The following CEP152 variants were observed in gnomAD, a reference collection of about 807,000 sequenced individuals.
CEP152 encodes centrosomal protein of 152 kDa.
A neutral mutation model predicts 188.9 loss-of-function variants in CEP152; 132 were observed. The ratio of observed to expected loss-of-function variants is 0.70; its 90% confidence interval spans 0.61 to 0.81. The LOEUF (loss-of-function observed/expected upper bound fraction) is 0.81. Ranked by LOEUF, CEP152 falls within the 30% of genes least tolerant of loss-of-function variation. The pLI is 0.00. For synonymous variants in CEP152, 649 were observed against 666.6 expected, an observed-to-expected ratio of 0.97 and a Z score of 0.41; for missense variants, 1,914 against 1,969.8, an observed-to-expected ratio of 0.97 and a Z score of 0.54.
intron 21 of CEP152, among the ~76,000 whole-genome samples, chr15:48,750,233 G>C (rs1335945279): frequency 2.0e-5 from 3 of 152,052 alleles, no homozygotes; most frequent in African/African-American, 7.2e-5. Context: ...AAATATATAA[G>C]AACTGTTTGG....
intron 2 of CEP152, among the ~76,000 whole-genome samples, chr15:48,800,053 A>C (rs1446679174): frequency 6.6e-6 from 1 of 152,200 alleles, no homozygotes; most frequent in Non-Finnish European, 1.5e-5. Flanking sequence ...TGAAGAGTAC[A>C]TTGTTTTCCC....
chr15:48,796,809 C>A (rs1218930049), intron 5 of CEP152, among the ~76,000 whole-genome samples: 1 of 152,140 alleles, frequency 6.6e-6, no homozygotes, highest in Non-Finnish European at 1.5e-5. Context: ...GTTTTTCCTT[C>A]ACATTCATCC....
At chr15:48,785,728 A>G (rs1896578851) in intron 9 of CEP152, among the ~76,000 whole-genome samples, 1 of 152,168 alleles carries the variant, frequency 6.6e-6, no homozygotes, top group South Asian at 2.1e-4. Flanking sequence ...ATAAAACTTT[A>G]AAGTTTAAAG....
At chr15:48,733,668 C>T (rs759812791), downstream of CEP152, among the ~76,000 whole-genome samples, 1 of 152,068 alleles carries the variant, frequency 6.6e-6, no homozygotes, top group African/African-American at 2.4e-5. Flanking sequence ...ATCCTAGAAG[C>T]TCAACAGACT....
chr15:48,807,718 C>T (rs16961671), intron 1 of CEP152, among the ~76,000 whole-genome samples: 4,486 of 152,252 alleles, frequency 0.029, 274 homozygotes, highest in East Asian at 0.15. Flanking sequence ...ATTTGGGTTA[C>T]TTTCTCCTTC....
intron 6 of CEP152, 92 bp from the exon 7 acceptor site, chr15:48,793,553 C>T (rs1375557819): frequency 4.7e-6 from 5 of 1,066,882 alleles, no homozygotes; most frequent in South Asian, 4.1e-5. Flanking sequence ...GTGACTACAA[C>T]CTTTTAGAGC....
At chr15:48,788,637 G>GT (rs1226363670) in intron 9 of CEP152, among the ~76,000 whole-genome samples, 164 bp downstream of exon 9, 10 of 151,872 alleles carry the variant, frequency 6.6e-5, no homozygotes, top group Admixed American at 3.9e-4. Flanking sequence ...GAGCCATTGC[G>GT]TCCAGCCAAT....
rs1411256606 is a variant in CEP152 at position 48,793,321 on chromosome 15, C to A, written c.832G>T (p.Asp278Tyr). 1.2e-6 allele frequency: 2 copies of A among 1,613,752 alleles called. No individual in the cohort carries two copies. Among genetic ancestry groups the A allele is most frequent in the Non-Finnish European group, 8.5e-7 (1 of 1,179,874 alleles). Residue 278 changes from aspartate (D) to tyrosine (Y), a missense_variant and splice_region_variant, in exon 7 of 27, where the codon GAT becomes TAT. Coordinates refer to ENST00000380950, the MANE Select transcript of CEP152 (RefSeq NM_001194998.2). ...YLNHQLVIIKDEKDGLTLSLR... is the reference protein window; with the variant it reads ...YLNHQLVIIKYEKDGLTLSLR... ...TAAATGACAGCATCCAGCATCTTAC[C>A]TTTTATTATTACAAGCTGGTGATTC...
rs1567023677 is a variant in CEP152, at chr15:48,792,597, C to T, written c.832+724G>A. Among the ~76,000 whole-genome samples, 3 of 152,152 alleles carry T rather than the reference C, an allele frequency of 2.0e-5. No homozygotes were observed. The East Asian group carries it at 5.8e-4, about 29-fold the overall frequency. On this transcript the variant is annotated intron_variant, in intron 7 of 26. Transcript: ENST00000380950. ...TCACTAACTCTTATTTGGATTAAAA[C>T]GTTTATGCTAATTTGTAGCCTCAGG...
In CEP152 at chr15:48,742,081, A is replaced by C. The variant is rs201634823; in HGVS notation, c.3855T>G (p.Ile1285Met). ...KKIKCDMLRY[I>M]QESKERAAEM... ...CTGCAGCTCGTTCCTTACTCTCCTG[A>C]ATATAACGAAGCATGTCACCTATAG... Residue 1285 changes from isoleucine to methionine, a missense_variant, in exon 25 of 27, where the codon ATT becomes ATG. Physicochemically the swap from Ile to Met is conservative, Grantham distance 10. Transcript: ENST00000380950. 12 of 1,614,084 alleles carry C rather than the reference A, an allele frequency of 7.4e-6. No individual in the cohort carries two copies. Among genetic ancestry groups the C allele is most frequent in the Non-Finnish European group, 1.0e-5 (12 of 1,179,994 alleles).
At chr15:48,796,678 T>C (rs566263112) in intron 5 of CEP152, among the ~76,000 whole-genome samples, 35 of 152,238 alleles carry the variant, frequency 2.3e-4, no homozygotes, top group South Asian at 1.9e-3. Flanking sequence ...CATCCTGTCA[T>C]TGCGTGACAC....
chr15:48,741,665 A>G lies in CEP152; in HGVS notation c.4029T>C (p.Ala1343=), dbSNP rs1892982819. 1 of 1,614,028 alleles carries G rather than the reference A, an allele frequency of 6.2e-7. No homozygotes were observed. The highest frequency in any genetic ancestry group is 1.3e-5 in the African/African-American group (1 of 74,924). ...GTGTTTCCAGTAATTTTGCCATTGT[A>G]GCAAGTTTGCTAGCAGCATTCATAA... ...KKIMNAASKL[A]TMAKLLETPI... is the part of the protein sequence containing the mutation. Residue 1343 remains alanine (A), a synonymous_variant, in exon 26 of 27, where the codon GCT becomes GCC. Transcript: ENST00000380950.
intron 21 of CEP152, among the ~76,000 whole-genome samples, chr15:48,748,897 T>A (rs1009216459): frequency 1.3e-5 from 2 of 152,096 alleles, no homozygotes; most frequent in African/African-American, 4.8e-5. Context: ...GATCTTGGTA[T>A]TGAATACCAT....
intron 21 of CEP152, 30 bp from the exon 22 acceptor site, chr15:48,748,640 A>G (rs752277098): frequency 1.4e-6 from 2 of 1,431,938 alleles, no homozygotes; most frequent in South Asian, 1.6e-5. Flanking sequence ...GAAAACTTTT[A>G]TATCAGTTTA....
chr15:48,763,628 C>T (rs562169389), intron 17 of CEP152, among the ~76,000 whole-genome samples: 120 of 151,552 alleles, frequency 7.9e-4, no homozygotes, highest in Middle Eastern at 3.4e-3. Context: ...GAGCCGAGAT[C>T]ACACCACTGC....
chr15:48,747,776 CGATCTAAG>C (rs1366099684), intron 22 of CEP152, among the ~76,000 whole-genome samples: 2 of 152,092 alleles, frequency 1.3e-5, no homozygotes, highest in African/African-American at 4.8e-5. Flanking sequence ...GAGGGAGCAG[CGATCTAAG>C]CCCCAAAACT....
Position 48,767,453 on chromosome 15 carries a change from T to A in CEP152, c.2029A>T (p.Thr677Ser). ...KQEAVDRCER[T>S]YQQHHEAMKT... ...ATGGCTTCATGGTGCTGCTGATAAG[T>A]CCTTTCACACCTGGAAACAGAGCGG... The change falls in exon 16 of 27, where the codon ACT becomes TCT. Residue 677 changes from threonine (T) to serine (S), a missense_variant. Coordinates refer to ENST00000380950, the MANE Select transcript of CEP152 (RefSeq NM_001194998.2). 6.2e-7 allele frequency: 1 copy of A among 1,614,100 alleles called. No individual in the cohort carries two copies. Among genetic ancestry groups the A allele is most frequent in the Non-Finnish European group, 8.5e-7 (1 of 1,179,994 alleles).
intron 9 of CEP152, among the ~76,000 whole-genome samples, chr15:48,785,645 A>G (rs573253390): frequency 6.6e-6 from 1 of 152,314 alleles, no homozygotes; most frequent in African/African-American, 2.4e-5. Flanking sequence ...TCTGCCAATA[A>G]TTTGATTTTA....
chr15:48,784,747 C>T (rs1896512435), intron 9 of CEP152, among the ~76,000 whole-genome samples: 1 of 152,090 alleles, frequency 6.6e-6, no homozygotes, highest in South Asian at 2.1e-4. Context: ...ATATCAAGTG[C>T]TGTAAGAAAC....
Sources: allele counts gnomAD v4.1 joint callset (sites outside exome capture counted in the v4.1 genomes callset), GRCh38; gene constraint gnomAD v4.1.1; transcripts MANE v1.5; gene names NCBI Gene and HGNC (gene_info 2026-07-23, HGNC 2026-07-21).